DPYSL2: variants seen among roughly 807,000 people sequenced by gnomAD.
DPYSL2 encodes dihydropyrimidinase like 2, also known as dihydropyrimidinase-related protein 2.
DPYSL2 carries 13 observed loss-of-function variants against 69.9 expected under a neutral mutation model. That is an observed-to-expected ratio of 0.19 (90% confidence interval 0.12 to 0.30). The LOEUF is 0.30. Ranked by LOEUF, DPYSL2 falls within the 10% of genes least tolerant of loss-of-function variation. The pLI, the probability that DPYSL2 is intolerant of heterozygous loss-of-function variation, is 1.00. For missense variants in DPYSL2, 587 were observed against 918.9 expected (o/e 0.64, Z 4.67); for synonymous variants, 326 against 359.1 (o/e 0.91, Z 1.04).
At chr8:26,651,979 T>C (rs1210012203) in intron 11 of DPYSL2, among the ~76,000 whole-genome samples, 1 of 152,266 alleles carries the variant, frequency 6.6e-6, no homozygotes, top group East Asian at 1.9e-4. Context: ...ATTTTCTTTA[T>C]ATTTGTGTAG....
chr8:26,575,945 G>A (rs1356017907), intron 1 of DPYSL2, among the ~76,000 whole-genome samples: 1 of 152,162 alleles, frequency 6.6e-6, no homozygotes, highest in South Asian at 2.1e-4. Flanking sequence ...AGTAGAGAGA[G>A]GCCAAGTAGA....
In DPYSL2 at chr8:26,627,188, C is replaced by T. The variant is rs375640906; in HGVS notation, c.856-27C>T. The T allele has an allele frequency of 9.9e-6, 16 of 1,609,872 alleles. No homozygotes were observed. The Admixed American group carries it at 2.7e-4, about 27-fold the overall frequency. On this transcript the variant is annotated intron_variant, in intron 5 of 13. Transcript: ENST00000521913. This position sits in a 1 kb window ranked among gnomAD's most constrained non-coding sequence, Gnocchi z 6.9. ...AACAGGAAGATGGAAGTCCCTGTCT[C>T]TGATCCCACCCTTGTCTCTCTCTCA...
intron 1 of DPYSL2, among the ~76,000 whole-genome samples, chr8:26,518,319 C>T (rs781394133): frequency 3.5e-4 from 53 of 151,972 alleles, no homozygotes; most frequent in African/African-American, 1.1e-3. Context: ...AAGACCCACC[C>T]GGGTTCAAAA....
At chr8:26,567,253 T>A (rs976206276) in intron 1 of DPYSL2, among the ~76,000 whole-genome samples, 1 of 139,090 alleles carries the variant, frequency 7.2e-6, no homozygotes, top group African/African-American at 2.6e-5. Flanking sequence ...CATCTATCCA[T>A]CCACCACCCA....
Position 26,643,430 on chromosome 8 carries a change from G to C in DPYSL2, c.1127-9G>C, listed in dbSNP as rs753361864. 1 of 1,575,764 alleles carries C rather than the reference G, an allele frequency of 6.3e-7. No homozygotes were observed. The highest frequency in any genetic ancestry group is 2.2e-5 in the East Asian group (1 of 44,756). ...TGTTGGACTGAACCTTGTGTGTTCTGTTTGTCAGGAACTGTGGTGTATGGC... is the reference window on the plus strand; with the variant it reads ...TGTTGGACTGAACCTTGTGTGTTCTCTTTGTCAGGAACTGTGGTGTATGGC... On this transcript the variant is annotated splice_polypyrimidine_tract_variant and intron_variant, in intron 8 of 13. Coordinates refer to ENST00000521913, the MANE Select transcript of DPYSL2 (RefSeq NM_001197293.3). This position sits in a 1 kb window ranked among gnomAD's most constrained non-coding sequence, Gnocchi z 6.5.
At chr8:26,584,014 CT>C (rs779841218) in intron 3 of DPYSL2, 31 bp downstream of exon 3, 2 of 1,587,628 alleles carry the variant, frequency 1.3e-6, no homozygotes, top group Non-Finnish European at 1.7e-6. Flanking sequence ...CATTGTAGTG[CT>C]TAGGAAGTGT....
chr8:26,651,787 A>G (rs576361663), intron 11 of DPYSL2, among the ~76,000 whole-genome samples: 8 of 152,310 alleles, frequency 5.3e-5, no homozygotes, highest in African/African-American at 1.9e-4. Flanking sequence ...CCTTTCATTT[A>G]GGGACTTCAG....
rs116574154 is a variant in DPYSL2, at chr8:26,574,764, G to T, written c.355-7205G>T. On this transcript the variant is annotated intron_variant, in intron 1 of 13. Transcript: ENST00000521913. ...TAAGAAACATTTATTTATTTATTTAGACAAGGTCTCACTCTGTCACCCAAG... is the reference window on the plus strand; with the variant it reads ...TAAGAAACATTTATTTATTTATTTATACAAGGTCTCACTCTGTCACCCAAG... Among the ~76,000 whole-genome samples the T allele has an allele frequency of 6.5e-3, 983 of 152,176 alleles. 11 individuals are homozygous for T. Among genetic ancestry groups the T allele is most frequent in the African/African-American group, 0.023 (948 of 41,508 alleles).
rs1026516857 is a variant in DPYSL2, at chr8:26,638,241, G to T, written c.1126+3341G>T. Among the ~76,000 whole-genome samples, 3 of 152,224 alleles carry T rather than the reference G, an allele frequency of 2.0e-5. No homozygotes were observed. In the South Asian group the frequency reaches 6.2e-4, roughly 31 times the overall value. Reference sequence around the variant, plus strand: ...AAAGTCACATTGGGAGGTAGTCGGGGCTACAAAAGGGGTACAAGTCAGGAG... The same window carrying T: ...AAAGTCACATTGGGAGGTAGTCGGGTCTACAAAAGGGGTACAAGTCAGGAG... On this transcript the variant is annotated intron_variant, in intron 8 of 13. Coordinates refer to ENST00000521913, the MANE Select transcript of DPYSL2 (RefSeq NM_001197293.3).
Position 26,655,797 on chromosome 8 carries a change from G to GGT in DPYSL2, c.*91_*92insGT. The stretch of plus-strand genomic sequence containing the variant: ...TTTCTTCCTTCCTTTTTTTTTTTTT[G>GGT]TTTTTTTTTTTAAGAGCCTGTGATA... On this transcript the variant is annotated 3_prime_UTR_variant, in exon 14 of 14. Transcript: ENST00000521913. 1.3e-6 allele frequency: 1 copy of GGT among 785,370 alleles called. No individual in the cohort carries two copies. The highest frequency in any genetic ancestry group is 1.7e-6 in the Non-Finnish European group (1 of 574,136). 48.7% of individuals were successfully genotyped at this position (785,370 alleles called of 1,614,324 possible).
At chr8:26,528,842 A>G (rs190004570) in intron 1 of DPYSL2, among the ~76,000 whole-genome samples, 68 of 152,164 alleles carry the variant, frequency 4.5e-4, no homozygotes, top group African/African-American at 1.6e-3. Flanking sequence ...TAGGAGAGGA[A>G]GGGTAAACAG....
intron 1 of DPYSL2, among the ~76,000 whole-genome samples, chr8:26,553,656 G>T (rs1800902114): frequency 6.6e-6 from 1 of 152,042 alleles, no homozygotes; most frequent in African/African-American, 2.4e-5. Context: ...CCAGGTCTTT[G>T]CTATTTTGAA....
At position 26,649,651 on chromosome 8, in the gene DPYSL2, G is replaced by C. The variant is rs190027556; in HGVS notation, c.1596+1851G>C. On this transcript the variant is annotated intron_variant, in intron 11 of 13. Coordinates refer to ENST00000521913, the MANE Select transcript of DPYSL2 (RefSeq NM_001197293.3). ...CAGGAGACTTTCCCTGCATAGTACA[G>C]TGTTTCCTACCATGAGGCTAATTAG... Among the ~76,000 whole-genome samples the C allele has an allele frequency of 5.5e-4, 84 of 152,334 alleles. 1 individual carries two copies. Among genetic ancestry groups the C allele is most frequent in the African/African-American group, 2.0e-3 (84 of 41,574 alleles).
intron 1 of DPYSL2, among the ~76,000 whole-genome samples, chr8:26,568,617 G>A (rs1257968710): frequency 1.3e-5 from 2 of 152,208 alleles, no homozygotes; most frequent in South Asian, 4.1e-4. Flanking sequence ...CTAGGGAACC[G>A]AAATGGACAA....
intron 1 of DPYSL2, among the ~76,000 whole-genome samples, chr8:26,559,424 G>C (rs184836201): frequency 3.3e-5 from 5 of 152,142 alleles, no homozygotes; most frequent in African/African-American, 1.2e-4. Context: ...AGAAATGAGA[G>C]AGCCCATTGC....
At chr8:26,622,472 G>A (rs5022821) in intron 3 of DPYSL2, among the ~76,000 whole-genome samples, 78,292 of 122,752 alleles carry the variant, frequency 0.64, 22,230 homozygotes, top group Non-Finnish European at 0.65. Flanking sequence ...GTGTGTGTGT[G>A]TATATGTGTG....
chr8:26,640,829 A>C lies in DPYSL2; in HGVS notation c.1127-2610A>C, dbSNP rs1205040817. On this transcript the variant is annotated intron_variant, in intron 8 of 13. Transcript: ENST00000521913. The surrounding 1 kb of genome is among the most constrained non-coding windows in gnomAD (Gnocchi z 4.2). ...CCCCTGAATGTCCCTATCTTTGCTT[A>C]GCTGTGGCCCAGAAGTCCACTCAGC... 6.6e-6 allele frequency among the ~76,000 whole-genome samples: 1 copy of C among 152,160 alleles called. No individual in the cohort carries two copies. The highest frequency in any genetic ancestry group is 6.5e-5 in the Admixed American group (1 of 15,272).
chr8:26,578,681 C>T (rs1801416661), intron 1 of DPYSL2: 5 of 926,040 alleles, frequency 5.4e-6, no homozygotes, highest in Non-Finnish European at 6.7e-6. Context: ...CGAGGCTGGA[C>T]TCCTCCAGCA....
intron 11 of DPYSL2, among the ~76,000 whole-genome samples, chr8:26,651,575 C>T (rs1803279597): frequency 6.6e-6 from 1 of 152,214 alleles, no homozygotes; most frequent in Admixed American, 6.5e-5. Context: ...GCAATGACTC[C>T]TGTGTTCTGT....
Sources: gnomAD v4.1 joint callset for allele counts (sites outside exome capture counted in the v4.1 genomes callset) on GRCh38, gnomAD v4.1.1 for gene constraint, Gnocchi (gnomAD v3.1) non-coding constraint, MANE v1.5 for transcripts, NCBI Gene and HGNC (gene_info 2026-07-23, HGNC 2026-07-21) for gene names.